Variants in KDM6A observed in about 807,000 individuals in gnomAD.
The protein encoded by KDM6A is lysine demethylase 6A, also known as lysine-specific demethylase 6A.
KDM6A carries 11 observed loss-of-function variants against 117.6 expected under a neutral mutation model. That is an observed-to-expected ratio of 0.09 (90% CI 0.06 to 0.15). The LOEUF (loss-of-function observed/expected upper bound fraction) is 0.15. Among genes scored for constraint, KDM6A ranks in the 10% least tolerant of loss-of-function variants. The pLI, the probability that KDM6A is intolerant of heterozygous loss-of-function variation, is 1.00. For synonymous variants in KDM6A, 384 were observed against 396.1 expected, an observed-to-expected ratio of 0.97 and a Z score of 0.36; for missense variants, 799 against 1,077.3, an observed-to-expected ratio of 0.74 and a Z score of 3.62.
At chrX:44,939,969 T>C (rs977766254) in intron 2 of KDM6A, among the ~76,000 whole-genome samples, 2 of 112,694 alleles carry the variant, frequency 1.8e-5, no homozygotes, top group Non-Finnish European at 3.7e-5. Flanking sequence ...AAAAAATTCA[T>C]GTGACTCACT....
In KDM6A at chrX:44,884,187, A is replaced by T. The variant is rs143552387; in HGVS notation, c.225+10200A>T. Among the ~76,000 whole-genome samples the T allele has an allele frequency of 4.4e-3, 475 of 107,598 alleles. 5 individuals carry two copies. The South Asian group carries it at 0.058, about 13-fold the overall frequency. 93.4% of individuals were successfully genotyped at this position (107,598 alleles called of 115,157 possible). ...GAATTGTGAATAGTCAGGTATGGGT[A>T]GAGGGTAGCATGTTTCAGTGGGATT... On this transcript the variant is annotated intron_variant, in intron 2 of 29. Transcript: ENST00000611820.
At chrX:44,966,107 A>G (rs1164254187) in intron 3 of KDM6A, among the ~76,000 whole-genome samples, 3 of 109,593 alleles carry the variant, frequency 2.7e-5, no homozygotes, top group African/African-American at 1.0e-4. Flanking sequence ...GACTGTGACT[A>G]TAGCTTTATT....
At chrX:44,896,758 C>T (rs2033897876) in intron 2 of KDM6A, among the ~76,000 whole-genome samples, 1 of 108,576 alleles carries the variant, frequency 9.2e-6, no homozygotes, top group Non-Finnish European at 1.9e-5. Flanking sequence ...GTATAGAATT[C>T]ACAGTGGACA....
chrX:45,004,151 G>A (rs926071251), intron 4 of KDM6A, among the ~76,000 whole-genome samples: 2 of 110,586 alleles, frequency 1.8e-5, no homozygotes, highest in Admixed American at 9.6e-5. Flanking sequence ...GACATCAATA[G>A]CACCTATCTT....
intron 8 of KDM6A, among the ~76,000 whole-genome samples, chrX:45,048,042 C>T (rs965333303): frequency 1.9e-5 from 2 of 106,411 alleles, no homozygotes; most frequent in African/African-American, 6.9e-5. Flanking sequence ...TGCCTGTAAT[C>T]CTAGCTGTTC....
chrX:44,958,956 G>A (rs2038521096), intron 2 of KDM6A, among the ~76,000 whole-genome samples: 1 of 110,910 alleles, frequency 9.0e-6, no homozygotes, highest in Non-Finnish European at 1.9e-5. Flanking sequence ...AGGAATATTG[G>A]AAATTATCTC....
At chrX:44,994,904 G>A (rs1013983349) in intron 4 of KDM6A, among the ~76,000 whole-genome samples, 1 of 111,926 alleles carries the variant, frequency 8.9e-6, no homozygotes, top group Non-Finnish European at 1.9e-5. Context: ...AATGAGTCAG[G>A]GTGGAGCAGG....
At position 45,042,280 on chromosome X, in the gene KDM6A, GAGAGGGGAGAGGGGAGAGGGGAGAGGGA is replaced by G. The variant is rs1569528736; in HGVS notation, c.654+4592_654+4619del. Among the ~76,000 whole-genome samples the G allele has an allele frequency of 2.8e-4, 10 of 35,706 alleles. 1 individual carries two copies. The East Asian group carries it at 3.4e-3, about 12-fold the overall frequency. The allele number at this position is 35,706 out of a possible 115,157, so 31.0% of individuals were successfully genotyped here. ...GAGGGAGAGGGGAGAGGGGAGAGGG[GAGAGGGGAGAGGGGAGAGGGGAGAGGGA>G]GAGTCATTTGATAAATTTTAATACT... On this transcript the variant is annotated intron_variant, in intron 8 of 29. Coordinates refer to ENST00000611820, the MANE Select transcript of KDM6A (RefSeq NM_001291415.2).
intron 2 of KDM6A, among the ~76,000 whole-genome samples, chrX:44,936,597 A>C (rs913501876): frequency 7.2e-5 from 8 of 111,882 alleles, no homozygotes; most frequent in African/African-American, 2.6e-4. Flanking sequence ...CTACAGGTTG[A>C]GTATCCCTTA....
At chrX:44,885,377 A>G (rs1207155718) in intron 2 of KDM6A, among the ~76,000 whole-genome samples, 1 of 109,814 alleles carries the variant, frequency 9.1e-6, no homozygotes, top group Admixed American at 9.9e-5. Context: ...CCCCCATCCT[A>G]ATTGCAGCCA....
chrX:45,046,972 G>T (rs1280111440), intron 8 of KDM6A, among the ~76,000 whole-genome samples: 1 of 107,456 alleles, frequency 9.3e-6, no homozygotes, highest in Non-Finnish European at 1.9e-5. Flanking sequence ...TCTTTTATTG[G>T]TGGTGATGAT....
At chrX:44,890,022 C>T (rs2033212555) in intron 2 of KDM6A, among the ~76,000 whole-genome samples, 1 of 112,030 alleles carries the variant, frequency 8.9e-6, no homozygotes, top group South Asian at 3.6e-4. Context: ...AGAAGTTCCA[C>T]ACCAAAATAT....
chrX:44,963,633 G>A (rs1461645539), intron 3 of KDM6A, among the ~76,000 whole-genome samples: 1 of 110,884 alleles, frequency 9.0e-6, no homozygotes, highest in East Asian at 2.8e-4. Flanking sequence ...GCTGTTTCCA[G>A]CACATCTACA....
At chrX:45,079,085 A>T (rs2148116733) in intron 20 of KDM6A, 61 bp from the exon 21 acceptor site, 1 of 940,912 alleles carries the variant, frequency 1.1e-6, no homozygotes. Context: ...AAAAAAAAGC[A>T]CTTAAAATAT....
At chrX:45,041,117 C>T (rs1279311045) in intron 8 of KDM6A, among the ~76,000 whole-genome samples, 4 of 67,075 alleles carry the variant, frequency 6.0e-5, no homozygotes, top group East Asian at 5.1e-4. Flanking sequence ...GCTGGCCGGG[C>T]GGGGGGCTGA....
intron 2 of KDM6A, among the ~76,000 whole-genome samples, chrX:44,906,677 G>A (rs2034685487): frequency 9.0e-6 from 1 of 110,547 alleles, no homozygotes; most frequent in African/African-American, 3.3e-5. Context: ...GTGTATGTGT[G>A]TGTATATAGA....
intron 2 of KDM6A, among the ~76,000 whole-genome samples, chrX:44,939,586 TTAACAGAG>T (rs1248709065): frequency 1.2e-4 from 13 of 112,409 alleles, no homozygotes; most frequent in Non-Finnish European, 2.4e-4. Context: ...GTAAACTTAG[TTAACAGAG>T]TAGTGGCAGG....
intron 2 of KDM6A, among the ~76,000 whole-genome samples, chrX:44,903,014 T>A (rs745602046): frequency 6.3e-5 from 7 of 111,971 alleles, no homozygotes; most frequent in African/African-American, 2.3e-4. Flanking sequence ...CTTAATGCTA[T>A]CACATTGGCG....
intron 4 of KDM6A, among the ~76,000 whole-genome samples, chrX:44,983,610 G>A (rs1432756464): frequency 1.1e-5 from 1 of 92,170 alleles, no homozygotes; most frequent in East Asian, 3.4e-4. Context: ...TCCCCTTCCT[G>A]TGTCCATGTA....
Sources: gnomAD v4.1 joint callset for allele counts (sites outside exome capture counted in the v4.1 genomes callset) on GRCh38, gnomAD v4.1.1 for gene constraint, MANE v1.5 for transcripts, NCBI Gene and HGNC (gene_info 2026-07-23, HGNC 2026-07-21) for gene names.